CEACAM7: variants seen among roughly 807,000 people sequenced by gnomAD.
The protein encoded by CEACAM7 is cell adhesion molecule CEACAM7.
CEACAM7 carries 24 observed loss-of-function variants against 25.7 expected under a neutral mutation model. That is an observed-to-expected ratio of 0.93 (90% confidence interval 0.68 to 1.31). The LOEUF (loss-of-function observed/expected upper bound fraction) is 1.31. Ranked by LOEUF, CEACAM7 falls within the 40% of genes most tolerant of loss-of-function variation. CEACAM7 has a pLI of 0.00. For synonymous variants in CEACAM7, 144 were observed against 129.4 expected, an observed-to-expected ratio of 1.11 and a Z score of -0.77; for missense variants, 324 against 330.1, an observed-to-expected ratio of 0.98 and a Z score of 0.14.
chr19:41,682,936 C>G (rs545469966), intron 3 of CEACAM7, among the ~76,000 whole-genome samples: 2 of 152,346 alleles, frequency 1.3e-5, no homozygotes, highest in East Asian at 3.9e-4. Flanking sequence ...ACATTCCAGG[C>G]TGGATCCATA....
At position 41,673,364 on chromosome 19, in the gene CEACAM7, A is replaced by G. The variant is rs1285815001; in HGVS notation, c.*1412T>C. The G allele has an allele frequency of 6.6e-6, 1 of 152,230 alleles. No homozygotes were observed. The highest frequency in any genetic ancestry group is 2.4e-5 in the African/African-American group (1 of 41,456). 9.4% of individuals were successfully genotyped at this position (152,230 alleles called of 1,614,324 possible). A position where few individuals can be genotyped will look rare whatever the true frequency, so the allele number is the denominator to read the frequency against. ...GTCAGGGCAGTTTCCATTCTGCAAAATATAGTGATAGCTCCTACTGGGCAA... is the reference window on the plus strand; with the variant it reads ...GTCAGGGCAGTTTCCATTCTGCAAAGTATAGTGATAGCTCCTACTGGGCAA... On this transcript the variant is annotated 3_prime_UTR_variant, in exon 5 of 5. Transcript: ENST00000401731.
intron 3 of CEACAM7, among the ~76,000 whole-genome samples, chr19:41,682,761 G>C (rs1200906057): frequency 6.6e-6 from 1 of 152,218 alleles, no homozygotes; most frequent in Non-Finnish European, 1.5e-5. Flanking sequence ...ATGTTTCAAA[G>C]CTTCCTTCTT....
At chr19:41,684,455 C>T (rs2072207654) in intron 2 of CEACAM7, among the ~76,000 whole-genome samples, 1 of 152,190 alleles carries the variant, frequency 6.6e-6, no homozygotes, top group South Asian at 2.1e-4. Context: ...ACCACCCAGC[C>T]AAGGGGTGTT....
rs782367866 is a variant in CEACAM7, at chr19:41,688,158, G to A, written c.8C>T (p.Ser3Phe). ...CACTCTGTATGGACAGGCTGAAGGG[G>A]ACCCCATGGTCTCTGCTGCCTGCTT... MG[S>F]PSACPYRVCI... Residue 3 changes from serine (S) to phenylalanine (F), a missense_variant, in exon 1 of 5, where the codon TCC becomes TTC. Coordinates refer to ENST00000401731, the MANE Select transcript of CEACAM7 (RefSeq NM_001291485.2). 3.7e-6 allele frequency: 6 copies of A among 1,610,576 alleles called. No homozygotes were observed. The highest frequency in any genetic ancestry group is 2.2e-5 in the East Asian group (1 of 44,490).
At chr19:41,676,721 T>G (rs561734810) in intron 4 of CEACAM7, among the ~76,000 whole-genome samples, 1 of 152,240 alleles carries the variant, frequency 6.6e-6, no homozygotes, top group African/African-American at 2.4e-5. Flanking sequence ...AGGTTGCTTG[T>G]GATGAAGGGT....
intron 3 of CEACAM7, 151 bp downstream of exon 3, chr19:41,683,634 A>G: frequency 1.5e-6 from 2 of 1,351,106 alleles, no homozygotes; most frequent in Non-Finnish European, 2.0e-6. Context: ...GGGTCTGCCC[A>G]GGTTTGCTTG....
chr19:41,680,854 G>T (rs1237001497), intron 3 of CEACAM7, among the ~76,000 whole-genome samples: 6 of 151,718 alleles, frequency 4.0e-5, no homozygotes, highest in Non-Finnish European at 7.4e-5. Context: ...CATGACATTG[G>T]ATTTCACAAT....
At chr19:41,680,706 A>G (rs1351323776) in intron 3 of CEACAM7, among the ~76,000 whole-genome samples, 1 of 152,202 alleles carries the variant, frequency 6.6e-6, no homozygotes, top group African/African-American at 2.4e-5. Flanking sequence ...GATATCCATG[A>G]AGAAGGATGA....
At chr19:41,675,184 A>G (rs2072102098) in intron 4 of CEACAM7, among the ~76,000 whole-genome samples, 1 of 152,250 alleles carries the variant, frequency 6.6e-6, no homozygotes, top group Admixed American at 6.5e-5. Context: ...TGTTATAAAC[A>G]GAACAGATTC....
At chr19:41,677,080 A>T (rs1277699321) in intron 4 of CEACAM7, among the ~76,000 whole-genome samples, 2 of 152,210 alleles carry the variant, frequency 1.3e-5, no homozygotes, top group Non-Finnish European at 2.9e-5. Flanking sequence ...GGGAATGGAG[A>T]GAACAGCACA....
In CEACAM7 at chr19:41,687,791, A is replaced by G. The variant is rs10408219; in HGVS notation, c.64+311T>C. Among the ~76,000 whole-genome samples, 1,363 of 152,324 alleles carry G rather than the reference A, an allele frequency of 8.9e-3. 13 individuals carry two copies. The highest frequency in any genetic ancestry group is 0.03 in the African/African-American group (1,253 of 41,560). ...CAATGCCTGAGGTTGGTGGCTAGGGACAATGTTTTATGCCCTGGTTATGTT... is the reference window on the plus strand; with the variant it reads ...CAATGCCTGAGGTTGGTGGCTAGGGGCAATGTTTTATGCCCTGGTTATGTT... On this transcript the variant is annotated intron_variant, in intron 1 of 4. Transcript: ENST00000401731.
At position 41,673,888 on chromosome 19, in the gene CEACAM7, T is replaced by C. The variant is rs782117155; in HGVS notation, c.*888A>G. Reference sequence around the variant, plus strand: ...AGAGAATACAGCACACCAGGGTAACTAATATTGTGACAATCAGGAGGATCA... The same window carrying C: ...AGAGAATACAGCACACCAGGGTAACCAATATTGTGACAATCAGGAGGATCA... On this transcript the variant is annotated 3_prime_UTR_variant, in exon 5 of 5. Transcript: ENST00000401731. 3 of 152,208 alleles carry C rather than the reference T, an allele frequency of 2.0e-5. No homozygotes were observed. The highest frequency in any genetic ancestry group is 2.9e-5 in the Non-Finnish European group (2 of 68,046). The allele number at this position is 152,208 out of a possible 1,614,324, so 9.4% of individuals were successfully genotyped here.
chr19:41,686,311 C>T (rs191906750), intron 2 of CEACAM7, among the ~76,000 whole-genome samples: 3 of 152,300 alleles, frequency 2.0e-5, no homozygotes, highest in African/African-American at 7.2e-5. Flanking sequence ...AGGCTCTGTC[C>T]TTGCCCAGAT....
chr19:41,679,467 A>C (rs2072149876), intron 3 of CEACAM7, among the ~76,000 whole-genome samples: 1 of 152,228 alleles, frequency 6.6e-6, no homozygotes, highest in Non-Finnish European at 1.5e-5. Flanking sequence ...CGCTAACATC[A>C]TACTCCAGGG....
Position 41,674,716 on chromosome 19 carries a change from G to T in CEACAM7, c.*60C>A, listed in dbSNP as rs782601597. ...TGCCACAGGAGAAAATGGGATTGAAGGAGCTAGAAGAATCCAGTCCAGTCT... is the reference window on the plus strand; with the variant it reads ...TGCCACAGGAGAAAATGGGATTGAATGAGCTAGAAGAATCCAGTCCAGTCT... On this transcript the variant is annotated 3_prime_UTR_variant, in exon 5 of 5. Coordinates refer to ENST00000401731, the MANE Select transcript of CEACAM7 (RefSeq NM_001291485.2). 51 of 206,632 alleles carry T rather than the reference G, an allele frequency of 2.5e-4. No homozygotes were observed. Among genetic ancestry groups the T allele is most frequent in the Middle Eastern group, 1.8e-3 (1 of 546 alleles). 12.8% of individuals were successfully genotyped at this position (206,632 alleles called of 1,614,324 possible). A position where few individuals can be genotyped will look rare whatever the true frequency, so the allele number is the denominator to read the frequency against.
Position 41,686,854 on chromosome 19 carries a change from C to G in CEACAM7, c.427+5G>C. ...GCACCCAGAAGTCATGGAGGTATCA[C>G]TCACAGAATACGTAGAATTGTCTGG... On this transcript the variant is annotated splice_donor_5th_base_variant and intron_variant, in intron 2 of 4. Coordinates refer to ENST00000401731, the MANE Select transcript of CEACAM7 (RefSeq NM_001291485.2). The G allele has an allele frequency of 6.6e-7, 1 of 1,524,002 alleles. No homozygotes were observed. Among genetic ancestry groups the G allele is most frequent in the Non-Finnish European group, 8.8e-7 (1 of 1,138,676 alleles). 94.4% of individuals were successfully genotyped at this position (1,524,002 alleles called of 1,614,324 possible). A position where few individuals can be genotyped will look rare whatever the true frequency, so the allele number is the denominator to read the frequency against.
chr19:41,683,712 C>A, intron 3 of CEACAM7, 73 bp downstream of exon 3: 1 of 1,577,928 alleles, frequency 6.3e-7, no homozygotes. Flanking sequence ...CTGAGAGGGA[C>A]TAAGAGGCCT....
Position 41,688,157 on chromosome 19 carries a change from G to A in CEACAM7, c.9C>T (p.Ser3=). 1.2e-6 allele frequency: 2 copies of A among 1,610,454 alleles called. No homozygotes were observed. The highest frequency in any genetic ancestry group is 1.7e-6 in the Non-Finnish European group (2 of 1,178,024). ...ACACTCTGTATGGACAGGCTGAAGG[G>A]GACCCCATGGTCTCTGCTGCCTGCT... The part of the protein sequence containing the change: MG[S]PSACPYRVCI... The change falls in exon 1 of 5, where the codon TCC becomes TCT. Residue 3 remains serine, a synonymous_variant. Transcript: ENST00000401731.
chr19:41,684,946 T>A (rs1259569767), intron 2 of CEACAM7, among the ~76,000 whole-genome samples: 1 of 151,902 alleles, frequency 6.6e-6, no homozygotes, highest in Non-Finnish European at 1.5e-5. Flanking sequence ...CTAGGCAGAG[T>A]CTAAGTGAGA....
Sources: allele counts gnomAD v4.1 joint callset (sites outside exome capture counted in the v4.1 genomes callset), GRCh38; gene constraint gnomAD v4.1.1; transcripts MANE v1.5; gene names NCBI Gene and HGNC (gene_info 2026-07-23, HGNC 2026-07-21).